Variants in CDKAL1 observed in about 807,000 individuals in gnomAD.
CDKAL1 encodes CDKAL1 threonylcarbamoyladenosine tRNA methylthiotransferase.
CDKAL1 carries 32 observed loss-of-function variants against 68.2 expected under a neutral mutation model. The ratio of observed to expected loss-of-function variants is 0.47; its 90% CI spans 0.35 to 0.63. The LOEUF (loss-of-function observed/expected upper bound fraction) is 0.63, where lower values mean the gene tolerates loss of function less well. Among genes scored for constraint, CDKAL1 ranks in the 30% least tolerant of loss-of-function variants. The pLI, the probability that CDKAL1 is intolerant of heterozygous loss-of-function variation, is 0.00. For synonymous variants in CDKAL1, 234 were observed against 244.3 expected (o/e 0.96, Z 0.39); for missense variants, 606 against 696.7 (o/e 0.87, Z 1.47).
chr6:20,656,531 T>C (rs1038093691), intron 5 of CDKAL1, among the ~76,000 whole-genome samples: 21 of 152,058 alleles, frequency 1.4e-4, no homozygotes, highest in African/African-American at 4.3e-4. Flanking sequence ...TATGTATTTT[T>C]CTCTGTAGAA....
At chr6:21,041,731 G>T (rs1404394904) in intron 11 of CDKAL1, among the ~76,000 whole-genome samples, 2 of 151,262 alleles carry the variant, frequency 1.3e-5, no homozygotes, top group Non-Finnish European at 2.9e-5. Context: ...TAAAATTTTT[G>T]ATGAATAGGG....
chr6:21,169,571 G>A (rs1053943950), intron 13 of CDKAL1, among the ~76,000 whole-genome samples: 6 of 152,168 alleles, frequency 3.9e-5, no homozygotes, highest in Non-Finnish European at 7.3e-5. Context: ...GGGAGGGAGA[G>A]GTTGCAATGA....
intron 4 of CDKAL1, among the ~76,000 whole-genome samples, chr6:20,573,614 A>G (rs2127681142): frequency 6.6e-6 from 1 of 152,322 alleles, no homozygotes; most frequent in East Asian, 1.9e-4. Context: ...TTTTCTGTTC[A>G]TAAATAAATA....
chr6:20,735,149 C>T (rs761691246), intron 5 of CDKAL1, among the ~76,000 whole-genome samples: 23 of 152,122 alleles, frequency 1.5e-4, no homozygotes, highest in Non-Finnish European at 3.1e-4. Context: ...GGATTTCAGG[C>T]GTGAGCCACT....
chr6:20,975,285 T>G (rs1288095280), intron 10 of CDKAL1, among the ~76,000 whole-genome samples: 1 of 152,208 alleles, frequency 6.6e-6, no homozygotes, highest in Non-Finnish European at 1.5e-5. Context: ...CAGATTCAGT[T>G]TATGTTCCAA....
At chr6:20,590,567 C>T (rs923333206) in intron 4 of CDKAL1, among the ~76,000 whole-genome samples, 2 of 151,922 alleles carry the variant, frequency 1.3e-5, no homozygotes, top group African/African-American at 2.4e-5. Flanking sequence ...TCCATGTGTT[C>T]TCATTGTTCA....
rs917182209 is a variant in CDKAL1 at position 20,728,875 on chromosome 6, AT to A, written c.372-10636del. Among the ~76,000 whole-genome samples, 24 of 151,120 alleles carry A rather than the reference AT, an allele frequency of 1.6e-4. No individual in the cohort carries two copies. In the East Asian group the frequency reaches 2.3e-3, roughly 15 times the overall value. ...TTTCTTTTCTTTTCTTTCTTTTTTTATTTTTTTTGACCAAAAATGATTTGGG... is the reference window on the plus strand; with the variant it reads ...TTTCTTTTCTTTTCTTTCTTTTTTTATTTTTTTGACCAAAAATGATTTGGG... On this transcript the variant is annotated intron_variant, in intron 5 of 15. Transcript: ENST00000274695.
intron 10 of CDKAL1, among the ~76,000 whole-genome samples, chr6:20,981,293 G>A (rs1266585304): frequency 6.6e-6 from 1 of 152,072 alleles, no homozygotes; most frequent in African/African-American, 2.4e-5. Context: ...GAACTTGTAA[G>A]GGATTGAATT....
intron 11 of CDKAL1, among the ~76,000 whole-genome samples, chr6:21,017,627 A>G (rs189855728): frequency 2.6e-5 from 4 of 152,240 alleles, no homozygotes; most frequent in Non-Finnish European, 5.9e-5. Flanking sequence ...TAGTAAATAG[A>G]CTCAAAATAC....
intron 4 of CDKAL1, among the ~76,000 whole-genome samples, chr6:20,587,592 G>C (rs1384703969): frequency 2.6e-5 from 4 of 151,924 alleles, no homozygotes; most frequent in Non-Finnish European, 5.9e-5. Flanking sequence ...AATTAGCTGG[G>C]TGTGGTGGTG....
chr6:20,609,311 TCCCC>T (rs1257638127), intron 4 of CDKAL1, among the ~76,000 whole-genome samples: 8 of 144,974 alleles, frequency 5.5e-5, no homozygotes, highest in African/African-American at 7.7e-5. Context: ...CTCCTCCTCC[TCCCC>T]CCTCCTCTCT....
chr6:20,872,665 C>T (rs1760286548), intron 9 of CDKAL1, among the ~76,000 whole-genome samples: 1 of 152,022 alleles, frequency 6.6e-6, no homozygotes, highest in African/African-American at 2.4e-5. Context: ...TATTCGTTTT[C>T]CTTTTAATCA....
intron 9 of CDKAL1, among the ~76,000 whole-genome samples, chr6:20,925,914 A>G (rs1763164589): frequency 6.6e-6 from 1 of 151,812 alleles, no homozygotes; most frequent in African/African-American, 2.4e-5. Flanking sequence ...CATTATCTAG[A>G]CTTAAATGAA....
intron 8 of CDKAL1, among the ~76,000 whole-genome samples, chr6:20,790,880 G>T (rs1299448246): frequency 1.3e-5 from 2 of 152,124 alleles, no homozygotes; most frequent in Non-Finnish European, 2.9e-5. Context: ...TGGTTTGTGA[G>T]TACACAAAAA....
At chr6:20,881,647 C>T (rs1214618199) in intron 9 of CDKAL1, among the ~76,000 whole-genome samples, 26 of 152,034 alleles carry the variant, frequency 1.7e-4, no homozygotes, top group East Asian at 3.9e-4. Flanking sequence ...TTCTATTTTT[C>T]CTCTTTGAGC....
intron 13 of CDKAL1, among the ~76,000 whole-genome samples, chr6:21,139,277 CTG>C (rs1775778251): frequency 6.6e-6 from 1 of 152,202 alleles, no homozygotes; most frequent in African/African-American, 2.4e-5. Context: ...TCACTGGAAA[CTG>C]TTCCCTTCTG....
intron 8 of CDKAL1, among the ~76,000 whole-genome samples, chr6:20,819,596 C>A (rs910829176): frequency 3.3e-4 from 50 of 152,136 alleles, no homozygotes; most frequent in African/African-American, 1.2e-3. Context: ...CTAAGATGAC[C>A]AAGTATCTAG....
chr6:21,214,990 A>G (rs1425992840), intron 15 of CDKAL1, among the ~76,000 whole-genome samples: 1 of 152,212 alleles, frequency 6.6e-6, no homozygotes, highest in Non-Finnish European at 1.5e-5. Flanking sequence ...GATATGGGTT[A>G]TCTTTTGCCA....
At position 20,931,105 on chromosome 6, in the gene CDKAL1, G is replaced by A. The variant is rs1426159807; in HGVS notation, c.743-24314G>A. On this transcript the variant is annotated intron_variant, in intron 9 of 15. Coordinates refer to ENST00000274695, the MANE Select transcript of CDKAL1 (RefSeq NM_017774.3). ...AGAGACCAGTAATTAAGCTGCCTTG[G>A]CTACCTAGCTAGTAAACAGTAGAAC... Among the ~76,000 whole-genome samples, 6 of 152,204 alleles carry A rather than the reference G, an allele frequency of 3.9e-5. 1 individual carries two copies.
Sources: gnomAD v4.1 joint callset for allele counts (sites outside exome capture counted in the v4.1 genomes callset) on GRCh38, gnomAD v4.1.1 for gene constraint, MANE v1.5 for transcripts, NCBI Gene and HGNC (gene_info 2026-07-23, HGNC 2026-07-21) for gene names.